The following NRXN3 variants were observed in gnomAD, a reference collection of about 807,000 sequenced individuals.
NRXN3 encodes neurexin 3.
Under a neutral mutation model 137.6 loss-of-function variants are expected in NRXN3, and 32 were observed. That is an observed-to-expected ratio of 0.23 (90% confidence interval 0.18 to 0.31). The LOEUF is 0.31. NRXN3 is among the 10% of genes least tolerant of loss of function. The pLI is 1.00. For missense variants in NRXN3, 1,574 were observed against 2,062.5 expected (o/e 0.76, Z 4.59); for synonymous variants, 798 against 784.5 (o/e 1.02, Z -0.29).
chr14:79,431,067 C>G (rs1282114733), intron 15 of NRXN3, among the ~76,000 whole-genome samples: 1 of 152,184 alleles, frequency 6.6e-6, no homozygotes. Context: ...CCTCCTTTCT[C>G]AGATCCAGGA....
chr14:78,738,944 C>T (rs1863033), intron 8 of NRXN3, among the ~76,000 whole-genome samples: 139,170 of 152,206 alleles, frequency 0.91, 64,892 homozygotes, highest in East Asian at 1. Flanking sequence ...ATTGCAGTAG[C>T]AAAGTGAAAG....
At chr14:79,709,650 C>A (rs2098795402) in intron 19 of NRXN3, among the ~76,000 whole-genome samples, 1 of 152,118 alleles carries the variant, frequency 6.6e-6, no homozygotes, top group South Asian at 2.1e-4. Context: ...TTCTGCTCTG[C>A]CTCTCCACTT....
In NRXN3 at chr14:78,957,282, T is replaced by C. The variant is rs954665032; in HGVS notation, c.2316T>C (p.Asn772=). 2.5e-6 allele frequency: 4 copies of C among 1,614,024 alleles called. No homozygotes were observed. The highest frequency in any genetic ancestry group is 2.7e-5 in the African/African-American group (2 of 74,920). The part of the protein sequence containing the change: ...PETLYAGQKL[N]DNEWHTVRVV... ...CCTTGTATGCAGGGCAGAAGCTCAA[T>C]GACAACGAGTGGCACACCGTTCGGG... Residue 772 remains asparagine, a synonymous_variant, in exon 11 of 21, where the codon AAT becomes AAC. Coordinates refer to ENST00000335750, the MANE Select transcript of NRXN3 (RefSeq NM_001330195.2).
At chr14:78,665,137 A>C (rs143997329) in intron 6 of NRXN3, among the ~76,000 whole-genome samples, 175 of 152,350 alleles carry the variant, frequency 1.1e-3, no homozygotes, top group African/African-American at 4.0e-3. Context: ...AAAACAGATA[A>C]TTCAGATACT....
At chr14:79,376,198 GT>G (rs2094277906) in intron 15 of NRXN3, among the ~76,000 whole-genome samples, 1 of 45,136 alleles carries the variant, frequency 2.2e-5, no homozygotes, top group Non-Finnish European at 4.2e-5. Flanking sequence ...ACATGTGGGT[GT>G]GTGTGTGTGT....
intron 4 of NRXN3, among the ~76,000 whole-genome samples, chr14:78,431,065 T>A (rs1420570945): frequency 6.6e-6 from 1 of 152,216 alleles, no homozygotes; most frequent in Non-Finnish European, 1.5e-5. Flanking sequence ...ATTGTTATTT[T>A]AAAATAGGTG....
At chr14:78,798,994 C>T (rs1218635824) in intron 8 of NRXN3, among the ~76,000 whole-genome samples, 1 of 152,194 alleles carries the variant, frequency 6.6e-6, no homozygotes, top group Non-Finnish European at 1.5e-5. Flanking sequence ...TCTGGGGCAC[C>T]TGCAGTTGGA....
chr14:79,448,779 G>A (rs74068667), intron 15 of NRXN3, among the ~76,000 whole-genome samples: 5,928 of 152,140 alleles, frequency 0.039, 359 homozygotes, highest in East Asian at 0.17. Context: ...GTATACATGC[G>A]TGTACATTTA....
chr14:78,597,902 C>T (rs950261960), intron 4 of NRXN3, among the ~76,000 whole-genome samples: 1 of 152,142 alleles, frequency 6.6e-6, no homozygotes, highest in Admixed American at 6.5e-5. Flanking sequence ...ATATTGTTGC[C>T]ATCTCAGAAA....
At chr14:78,402,045 A>G (rs2092117753) in intron 4 of NRXN3, among the ~76,000 whole-genome samples, 1 of 152,192 alleles carries the variant, frequency 6.6e-6, no homozygotes. Flanking sequence ...CACTGAATGG[A>G]TGATTAACTG....
intron 4 of NRXN3, among the ~76,000 whole-genome samples, chr14:78,558,723 T>C (rs546386169): frequency 3.0e-4 from 45 of 152,296 alleles, no homozygotes; most frequent in Middle Eastern, 3.4e-3. Flanking sequence ...TTTCTTACCA[T>C]GTAAAATGTT....
intron 15 of NRXN3, among the ~76,000 whole-genome samples, chr14:79,036,556 G>A (rs1432152698): frequency 7.0e-6 from 1 of 142,958 alleles, no homozygotes; most frequent in Admixed American, 7.1e-5. Context: ...GACTTAAACT[G>A]CTTCATCATT....
chr14:78,743,053 T>G (rs1039741888), intron 8 of NRXN3, among the ~76,000 whole-genome samples: 10 of 152,224 alleles, frequency 6.6e-5, no homozygotes, highest in African/African-American at 2.4e-4. Flanking sequence ...TTATATTGTC[T>G]GCTTTATGCA....
intron 10 of NRXN3, among the ~76,000 whole-genome samples, chr14:78,911,080 A>G (rs1459875475): frequency 6.6e-6 from 1 of 152,212 alleles, no homozygotes; most frequent in Non-Finnish European, 1.5e-5. Flanking sequence ...TATGGTAACA[A>G]TAACATTATG....
chr14:79,092,742 A>C (rs2049447134), intron 15 of NRXN3, among the ~76,000 whole-genome samples: 1 of 152,198 alleles, frequency 6.6e-6, no homozygotes. Flanking sequence ...TTATGGCTAA[A>C]TGAGCCCCAG....
At chr14:79,854,936 T>C (rs2099399391) in intron 20 of NRXN3, among the ~76,000 whole-genome samples, 1 of 152,198 alleles carries the variant, frequency 6.6e-6, no homozygotes, top group Non-Finnish European at 1.5e-5. Context: ...AGTATTGTTC[T>C]ATGATACTGA....
intron 15 of NRXN3, among the ~76,000 whole-genome samples, chr14:79,395,709 TGAGTCAG>T (rs1271023199): frequency 6.6e-6 from 1 of 150,862 alleles, no homozygotes; most frequent in Admixed American, 6.6e-5. Flanking sequence ...CTCCGGAGGC[TGAGTCAG>T]GAGAATGGCG....
At chr14:79,689,975 A>T (rs1258517614) in intron 17 of NRXN3, among the ~76,000 whole-genome samples, 1 of 152,190 alleles carries the variant, frequency 6.6e-6, no homozygotes, top group Admixed American at 6.5e-5. Context: ...GACTACACCA[A>T]TCTATTCCGT....
In NRXN3 at chr14:79,795,588, A is replaced by G. The variant is rs143625142; in HGVS notation, c.4015-9524A>G. Reference sequence around the variant, plus strand: ...TAGTTCTGTCTCAAACTTACTGGCCACAGATCACTTGTAACTCCCTATTTT... The same window carrying G: ...TAGTTCTGTCTCAAACTTACTGGCCGCAGATCACTTGTAACTCCCTATTTT... On this transcript the variant is annotated intron_variant, in intron 19 of 20. Coordinates refer to ENST00000335750, the MANE Select transcript of NRXN3 (RefSeq NM_001330195.2). 1.1e-3 allele frequency among the ~76,000 whole-genome samples: 164 copies of G among 152,280 alleles called. 2 individuals are homozygous for G. The highest frequency in any genetic ancestry group is 1.7e-3 in the African/African-American group (70 of 41,562).
Sources: allele counts gnomAD v4.1 joint callset (sites outside exome capture counted in the v4.1 genomes callset), GRCh38; gene constraint gnomAD v4.1.1; transcripts MANE v1.5; gene names NCBI Gene and HGNC (gene_info 2026-07-23, HGNC 2026-07-21).